COL4A2: variants seen among roughly 807,000 people sequenced by gnomAD.
COL4A2 encodes collagen alpha-2(IV) chain.
In COL4A2, 99 loss-of-function variants were observed where a neutral mutation model predicts 200.2. The observed-to-expected ratio is 0.49, with a 90% CI of 0.42 to 0.58. COL4A2 has a LOEUF of 0.58. COL4A2 is among the 20% of genes least tolerant of loss of function. The pLI is 0.00. For missense variants in COL4A2, 1,950 were observed against 2,314.1 expected, an observed-to-expected ratio of 0.84 and a Z score of 3.23; for synonymous variants, 897 against 900.6, an observed-to-expected ratio of 1.00 and a Z score of 0.07.
intron 41 of COL4A2, 200 bp from the exon 42 acceptor site, chr13:110,502,921 C>T: frequency 3.6e-6 from 2 of 562,188 alleles, no homozygotes; most frequent in South Asian, 2.3e-5. Context: ...TGCCACTGAG[C>T]AGTGCACCTA....
In COL4A2 at chr13:110,356,770, C is replaced by CT. The variant is rs66516455; in HGVS notation, c.100-686dup. Among the ~76,000 whole-genome samples the CT allele has an allele frequency of 9.0e-3, 1,235 of 136,480 alleles. 14 individuals carry two copies. Among genetic ancestry groups the CT allele is most frequent in the Middle Eastern group, 0.056 (15 of 266 alleles). The allele number at this position is 136,480 out of a possible 152,430, so 89.5% of individuals were successfully genotyped here. A position where few individuals can be genotyped will look rare whatever the true frequency, so the allele number is the denominator to read the frequency against. On this transcript the variant is annotated intron_variant, in intron 3 of 47. Coordinates refer to ENST00000360467, the MANE Select transcript of COL4A2 (RefSeq NM_001846.4). ...CTTGGCATCGGGCAGTTTATAGGCA[C>CT]TTTTTTTTTTTTTTTTGAGACAGTC...
chr13:110,445,928 C>A, intron 17 of COL4A2, 46 bp downstream of exon 17: 7 of 1,608,050 alleles, frequency 4.4e-6, no homozygotes, highest in Non-Finnish European at 6.0e-6. Context: ...GTCTCGCCCA[C>A]CCTGGCTGGC....
chr13:110,348,590 G>T (rs1876816605), intron 3 of COL4A2, among the ~76,000 whole-genome samples: 1 of 151,962 alleles, frequency 6.6e-6, no homozygotes, highest in South Asian at 2.1e-4. Context: ...CCTCTTTTTT[G>T]ATTAAAATAG....
chr13:110,394,066 A>G (rs61963200), intron 4 of COL4A2, among the ~76,000 whole-genome samples: 4,414 of 152,306 alleles, frequency 0.029, 78 homozygotes, highest in Middle Eastern at 0.078. Context: ...CAGTAGAAGC[A>G]TGAGAGAAAA....
At chr13:110,324,253 G>C (rs1885348861) in intron 3 of COL4A2, among the ~76,000 whole-genome samples, 1 of 152,200 alleles carries the variant, frequency 6.6e-6, no homozygotes, top group Non-Finnish European at 1.5e-5. Flanking sequence ...AGCTTCATGG[G>C]CGTCAAGGGT....
chr13:110,464,673 C>T (rs1566548941), intron 24 of COL4A2, among the ~76,000 whole-genome samples: 1 of 152,238 alleles, frequency 6.6e-6, no homozygotes, highest in Non-Finnish European at 1.5e-5. Context: ...TTCTTATAAG[C>T]AGCTGCCTCA....
chr13:110,453,204 A>G (rs1255455346), intron 20 of COL4A2, among the ~76,000 whole-genome samples: 2 of 152,202 alleles, frequency 1.3e-5, no homozygotes, highest in Non-Finnish European at 2.9e-5. Flanking sequence ...AAGCATACAA[A>G]TATTCCACTT....
At chr13:110,414,261 CCT>C (rs1879956725) in intron 4 of COL4A2, among the ~76,000 whole-genome samples, 2 of 152,296 alleles carry the variant, frequency 1.3e-5, no homozygotes, top group African/African-American at 2.4e-5. Context: ...GTGAGACATG[CCT>C]CTCTCAAACC....
At chr13:110,490,098 C>T (rs1883237254) in intron 36 of COL4A2, among the ~76,000 whole-genome samples, 1 of 152,180 alleles carries the variant, frequency 6.6e-6, no homozygotes, top group African/African-American at 2.4e-5. Flanking sequence ...CACCCTGACT[C>T]CCGGAACACC....
chr13:110,352,977 G>A (rs1877028432), intron 3 of COL4A2, among the ~76,000 whole-genome samples: 1 of 152,218 alleles, frequency 6.6e-6, no homozygotes, highest in Non-Finnish European at 1.5e-5. Flanking sequence ...GCGAGCTTCA[G>A]TGGGGTCAGC....
intron 4 of COL4A2, among the ~76,000 whole-genome samples, chr13:110,404,491 C>A (rs1216264067): frequency 6.6e-6 from 1 of 152,164 alleles, no homozygotes; most frequent in Non-Finnish European, 1.5e-5. Flanking sequence ...AGGCTGTCCC[C>A]AGCTAAGACA....
chr13:110,361,952 C>T (rs1169486144), intron 4 of COL4A2, among the ~76,000 whole-genome samples: 1 of 152,238 alleles, frequency 6.6e-6, no homozygotes, highest in African/African-American at 2.4e-5. Flanking sequence ...GCAAATCTCA[C>T]ACCCAGATTG....
chr13:110,508,113 T>A lies in COL4A2; in HGVS notation c.4773T>A (p.Ser1591=). Residue 1591 remains serine, a synonymous_variant, in exon 47 of 48, where the codon TCT becomes TCA. Coordinates refer to ENST00000360467, the MANE Select transcript of COL4A2 (RefSeq NM_001846.4). The surrounding 1 kb of genome is among the most constrained non-coding windows in gnomAD (Gnocchi z 6.1). The part of the protein sequence containing the change: ...DEIKPYISRC[S]VCEAPAIAIA... ...TCAAGCCCTACATCAGCCGCTGTTC[T>A]GTGTGTGAGGCCCCGGCCATCGCCA... The A allele has an allele frequency of 6.2e-7, 1 of 1,614,266 alleles. No individual in the cohort carries two copies. The highest frequency in any genetic ancestry group is 8.5e-7 in the Non-Finnish European group (1 of 1,180,050).
chr13:110,454,535 C>A (rs1881647484), intron 20 of COL4A2, among the ~76,000 whole-genome samples: 1 of 152,132 alleles, frequency 6.6e-6, no homozygotes, highest in South Asian at 2.1e-4. Flanking sequence ...ACAAAGCTCA[C>A]AAAAGTCCAC....
chr13:110,442,888 T>C (rs933814824), intron 16 of COL4A2, among the ~76,000 whole-genome samples: 3 of 152,272 alleles, frequency 2.0e-5, no homozygotes, highest in Non-Finnish European at 4.4e-5. Flanking sequence ...AAAGTGTTCG[T>C]TGAGACCTAG....
rs9588165 is a variant in COL4A2 at position 110,443,686 on chromosome 13, T to C, written c.958-2143T>C. ...CATGTCAGTCTCCTGACCTCAGCTT[T>C]CCCTAAGGGTGGGCTCTGTGGTGAG... is the stretch of plus-strand genomic sequence containing the variant. On this transcript the variant is annotated intron_variant, in intron 16 of 47. Coordinates refer to ENST00000360467, the MANE Select transcript of COL4A2 (RefSeq NM_001846.4). 7.0e-3 allele frequency among the ~76,000 whole-genome samples: 1,067 copies of C among 152,274 alleles called. 9 individuals are homozygous for C. Among genetic ancestry groups the C allele is most frequent in the African/African-American group, 0.022 (913 of 41,558 alleles).
At chr13:110,472,899 G>A (rs1276841840) in intron 28 of COL4A2, 30 bp from the exon 29 acceptor site, 2 of 1,541,322 alleles carry the variant, frequency 1.3e-6, no homozygotes, top group South Asian at 2.4e-5. Context: ...GCTAACTTGT[G>A]GTTTGGGGCC....
chr13:110,322,081 TA>T (rs1181385960), intron 3 of COL4A2, among the ~76,000 whole-genome samples: 1 of 152,256 alleles, frequency 6.6e-6, no homozygotes, highest in Non-Finnish European at 1.5e-5. Context: ...TTCTTATTTT[TA>T]AACTCAGTTT....
chr13:110,315,095 C>T (rs1175297795), intron 3 of COL4A2, among the ~76,000 whole-genome samples: 1 of 152,258 alleles, frequency 6.6e-6, no homozygotes, highest in Non-Finnish European at 1.5e-5. Context: ...AGCAGAGCCG[C>T]CTCTGCCCGG....
Sources: allele counts gnomAD v4.1 joint callset (sites outside exome capture counted in the v4.1 genomes callset), GRCh38; gene constraint gnomAD v4.1.1; non-coding constraint Gnocchi (gnomAD v3.1); transcripts MANE v1.5; gene names NCBI Gene and HGNC (gene_info 2026-07-23, HGNC 2026-07-21).